SLC14A2: variants seen among roughly 807,000 people sequenced by gnomAD.
SLC14A2 encodes the protein solute carrier family 14 member 2.
Under a neutral mutation model 104.6 loss-of-function variants are expected in SLC14A2, and 91 were observed. The observed-to-expected ratio is 0.87, with a 90% CI of 0.73 to 1.04. The LOEUF is 1.04. SLC14A2 is among the 50% of genes least tolerant of loss of function. The pLI, the probability that SLC14A2 is intolerant of heterozygous loss-of-function variation, is 0.00. For synonymous variants in SLC14A2, 476 were observed against 466.4 expected (o/e 1.02, Z -0.27); for missense variants, 1,189 against 1,156.0 (o/e 1.03, Z -0.41).
chr18:45,195,317 A>C, the SLC14A2 span, among the ~76,000 whole-genome samples: 11 of 152,240 alleles, frequency 7.2e-5, no homozygotes, highest in Non-Finnish European at 1.5e-4. Context: ...TTCCTTATCA[A>C]ATGTGCTAAA....
chr18:45,394,762 T>C (rs1259749629), intron 1 of SLC14A2, among the ~76,000 whole-genome samples: 1 of 152,176 alleles, frequency 6.6e-6, no homozygotes, highest in Non-Finnish European at 1.5e-5. Context: ...GATATTAACT[T>C]CTTATCAGAT....
rs369456942 is a variant in SLC14A2 at position 45,440,001 on chromosome 18, T to A, written c.-124-43232T>A. On this transcript the variant is annotated intron_variant, in intron 1 of 20. Coordinates refer to the SLC14A2 transcript ENST00000586448. ...CCTGTGACTGGTTTAACTGAGTGTT[T>A]CCCTTTTGCATGAATTGCTCTGGCA... Among the ~76,000 whole-genome samples the A allele has an allele frequency of 3.8e-4, 58 of 152,296 alleles. 1 individual carries two copies. The South Asian group carries it at 0.012, about 31-fold the overall frequency.
intron 1 of SLC14A2, among the ~76,000 whole-genome samples, chr18:45,326,891 G>A (rs185310934): frequency 2.0e-5 from 3 of 152,280 alleles, no homozygotes; most frequent in African/African-American, 7.2e-5. Context: ...ATGAGGGTGA[G>A]GATGGAGAGC....
At chr18:45,582,709 C>T (rs980060220) in intron 2 of SLC14A2, among the ~76,000 whole-genome samples, 11 of 152,160 alleles carry the variant, frequency 7.2e-5, no homozygotes, top group Non-Finnish European at 1.6e-4. Context: ...CCCTTTACTG[C>T]AATGTCACTA....
intron 2 of SLC14A2, among the ~76,000 whole-genome samples, chr18:45,555,778 C>T (rs891137887): frequency 6.6e-6 from 1 of 152,144 alleles, no homozygotes; most frequent in African/African-American, 2.4e-5. Context: ...CTACTTGGGT[C>T]GCCAAGGGCT....
At chr18:45,236,041 A>G (rs376531415) in intron 1 of SLC14A2, among the ~76,000 whole-genome samples, 2 of 44,542 alleles carry the variant, frequency 4.5e-5, no homozygotes, top group African/African-American at 3.4e-4. Context: ...ATATGTGTGT[A>G]TATATGTGTA....
chr18:45,179,567 T>G, the SLC14A2 span, among the ~76,000 whole-genome samples: 1 of 152,184 alleles, frequency 6.6e-6, no homozygotes, highest in East Asian at 1.9e-4. Context: ...AAAATTCTCC[T>G]AAACATCCAG....
At chr18:45,185,791 G>A in the SLC14A2 span, among the ~76,000 whole-genome samples, 10 of 151,882 alleles carry the variant, frequency 6.6e-5, no homozygotes, top group Non-Finnish European at 1.5e-4. Context: ...ATTTAACAAG[G>A]CATCAGGATT....
intron 2 of SLC14A2, among the ~76,000 whole-genome samples, chr18:45,523,753 C>T (rs1315259319): frequency 1.3e-5 from 2 of 152,162 alleles, no homozygotes; most frequent in South Asian, 4.1e-4. Flanking sequence ...GACACAGCAA[C>T]TGCCTGGATC....
intron 1 of SLC14A2, among the ~76,000 whole-genome samples, chr18:45,263,809 G>A (rs895655077): frequency 5.3e-5 from 8 of 152,106 alleles, no homozygotes; most frequent in African/African-American, 1.9e-4. Flanking sequence ...CTTGCTTTTA[G>A]CCACTGCAAT....
At chr18:45,516,493 G>C (rs1225214117) in intron 2 of SLC14A2, among the ~76,000 whole-genome samples, 1 of 152,204 alleles carries the variant, frequency 6.6e-6, no homozygotes, top group Non-Finnish European at 1.5e-5. Flanking sequence ...GGACGAGAGT[G>C]GGAGAGAAAG....
At chr18:45,192,220 T>G in the SLC14A2 span, among the ~76,000 whole-genome samples, 22 of 152,172 alleles carry the variant, frequency 1.4e-4, no homozygotes, top group South Asian at 2.1e-4. Context: ...GGAGGTGTGG[T>G]ATCAGGCATA....
rs1250807595 is a variant in SLC14A2, at chr18:45,513,940, T to C, written c.-35+30618T>C. Among the ~76,000 whole-genome samples the C allele has an allele frequency of 2.0e-5, 3 of 152,192 alleles. No individual in the cohort carries two copies. In the East Asian group the frequency reaches 5.8e-4, roughly 29 times the overall value. On this transcript the variant is annotated intron_variant, in intron 2 of 20. Coordinates refer to the SLC14A2 transcript ENST00000586448. Reference sequence around the variant, plus strand: ...AACACACAGAGTGCTCTGCCTGGAATAGTGAAAAATTCTGCCATTCATGTT... The same window carrying C: ...AACACACAGAGTGCTCTGCCTGGAACAGTGAAAAATTCTGCCATTCATGTT...
chr18:45,173,306 T>A, the SLC14A2 span, among the ~76,000 whole-genome samples: 4 of 152,094 alleles, frequency 2.6e-5, no homozygotes, highest in African/African-American at 9.7e-5. Flanking sequence ...CTAGAAGCAA[T>A]GACAATAACA....
chr18:45,354,568 C>T (rs1057326260), intron 1 of SLC14A2, among the ~76,000 whole-genome samples: 1 of 152,206 alleles, frequency 6.6e-6, no homozygotes, highest in African/African-American at 2.4e-5. Context: ...CAGAGGGATA[C>T]CTGGAGCCCT....
the SLC14A2 span, among the ~76,000 whole-genome samples, chr18:45,188,489 G>A: frequency 6.6e-6 from 1 of 152,128 alleles, no homozygotes; most frequent in Non-Finnish European, 1.5e-5. Context: ...AATCAAGCAT[G>A]CTCCTAGAAT....
At chr18:45,661,910 G>A (rs2045941538) in intron 10 of SLC14A2, among the ~76,000 whole-genome samples, 1 of 152,216 alleles carries the variant, frequency 6.6e-6, no homozygotes, top group Non-Finnish European at 1.5e-5. Flanking sequence ...GGGAGTTACA[G>A]CTCAACACTG....
intron 2 of SLC14A2, chr18:45,529,946 A>G (rs990444331): frequency 8.5e-5 from 13 of 152,204 alleles, no homozygotes; most frequent in African/African-American, 3.1e-4. Flanking sequence ...AAGATGGTTC[A>G]CATCTACTCC....
chr18:45,299,140 C>G (rs1165026612), intron 1 of SLC14A2, among the ~76,000 whole-genome samples: 1 of 152,228 alleles, frequency 6.6e-6, no homozygotes, highest in East Asian at 1.9e-4. Context: ...CGGAAGATAG[C>G]TCAGCTCCTA....
Sources: allele counts gnomAD v4.1 joint callset (sites outside exome capture counted in the v4.1 genomes callset), GRCh38; gene constraint gnomAD v4.1.1; transcripts MANE v1.5; gene names NCBI Gene and HGNC (gene_info 2026-07-23, HGNC 2026-07-21).